CXCL13: variants seen among roughly 807,000 people sequenced by gnomAD.
CXCL13 encodes the protein C-X-C motif chemokine ligand 13, also known as C-X-C motif chemokine 13.
A neutral mutation model predicts 12.2 loss-of-function variants in CXCL13; 7 were observed. The ratio of observed to expected loss-of-function variants is 0.57; its 90% CI spans 0.33 to 1.07. CXCL13 has a LOEUF of 1.07. Among genes scored for constraint, CXCL13 ranks in the 50% least tolerant of loss-of-function variants. The pLI is 0.04. For synonymous variants in CXCL13, 47 were observed against 42.4 expected, an observed-to-expected ratio of 1.11 and a Z score of -0.42; for missense variants, 113 against 127.4, an observed-to-expected ratio of 0.89 and a Z score of 0.55.
intron 1 of CXCL13, among the ~76,000 whole-genome samples, chr4:77,581,547 C>T (rs1560532309): frequency 6.6e-6 from 1 of 152,130 alleles, no homozygotes; most frequent in South Asian, 2.1e-4. Flanking sequence ...CCAGGAACCA[C>T]CTCTTGCTAA....
chr4:77,519,383 G>A (rs184425938), intron 1 of CXCL13, among the ~76,000 whole-genome samples: 21 of 152,264 alleles, frequency 1.4e-4, no homozygotes, highest in East Asian at 3.9e-4. Flanking sequence ...GCTGTAGACC[G>A]GAGCTGTTCC....
At chr4:77,568,034 T>G (rs976019595) in intron 1 of CXCL13, among the ~76,000 whole-genome samples, 9 of 152,214 alleles carry the variant, frequency 5.9e-5, no homozygotes, top group Admixed American at 4.6e-4. Context: ...CCTTCCTTCA[T>G]GAAGCCAATA....
In CXCL13 at chr4:77,611,178, G is replaced by A. The variant is rs1727144076; in HGVS notation, c.*139G>A. 3.4e-5 allele frequency: 24 copies of A among 713,610 alleles called. No individual in the cohort carries two copies. The highest frequency in any genetic ancestry group is 4.9e-5 in the Non-Finnish European group (21 of 430,392). 44.2% of individuals were successfully genotyped at this position (713,610 alleles called of 1,614,324 possible). A position where few individuals can be genotyped will look rare whatever the true frequency, so the allele number is the denominator to read the frequency against. On this transcript the variant is annotated 3_prime_UTR_variant, in exon 4 of 4. Transcript: ENST00000682537. ...CATGAGACTATGTAAAAATAACCTT[G>A]CAGAAGCTGATGGGGCAAACTCAAG...
intron 1 of CXCL13, among the ~76,000 whole-genome samples, chr4:77,545,254 T>G (rs992404992): frequency 3.3e-5 from 5 of 152,210 alleles, no homozygotes; most frequent in Non-Finnish European, 5.9e-5. Flanking sequence ...CCATATGAAC[T>G]TTAAAGTAGT....
intron 1 of CXCL13, among the ~76,000 whole-genome samples, chr4:77,595,735 T>C (rs182931225): frequency 2.0e-5 from 3 of 152,178 alleles, no homozygotes; most frequent in Non-Finnish European, 2.9e-5. Context: ...AGCCTTCTTA[T>C]CAAAAGCATC....
chr4:77,546,021 A>G (rs1025746695), intron 1 of CXCL13, among the ~76,000 whole-genome samples: 2 of 151,990 alleles, frequency 1.3e-5, no homozygotes, highest in Non-Finnish European at 2.9e-5. Context: ...GGTTTTTGTC[A>G]TTGGTTCTGT....
intron 1 of CXCL13, among the ~76,000 whole-genome samples, chr4:77,557,336 C>T (rs978784869): frequency 6.6e-6 from 1 of 152,172 alleles, no homozygotes; most frequent in Non-Finnish European, 1.5e-5. Flanking sequence ...TCCCAGTGTA[C>T]ACTTGCAAGG....
intron 1 of CXCL13, among the ~76,000 whole-genome samples, chr4:77,583,342 T>C (rs1251688776): frequency 3.3e-5 from 5 of 152,152 alleles, no homozygotes; most frequent in Non-Finnish European, 7.3e-5. Flanking sequence ...ATGCCTTCCA[T>C]CCTTCATCTC....
intron 1 of CXCL13, among the ~76,000 whole-genome samples, chr4:77,522,887 C>G (rs1032870616): frequency 6.6e-6 from 1 of 152,098 alleles, no homozygotes; most frequent in African/African-American, 2.4e-5. Flanking sequence ...TTCAGGAACT[C>G]TTGTAAGGCA....
intron 1 of CXCL13, among the ~76,000 whole-genome samples, chr4:77,520,442 G>T (rs1724563127): frequency 6.6e-6 from 1 of 152,174 alleles, no homozygotes; most frequent in South Asian, 2.1e-4. Flanking sequence ...TCCCTTGTAA[G>T]TTGGATTCCT....
intron 1 of CXCL13, among the ~76,000 whole-genome samples, chr4:77,578,397 C>T (rs775540681): frequency 6.6e-6 from 1 of 152,188 alleles, no homozygotes; most frequent in East Asian, 1.9e-4. Context: ...TAAGATCAGC[C>T]TTCATTCTTA....
intron 1 of CXCL13, among the ~76,000 whole-genome samples, chr4:77,538,576 T>C (rs982319935): frequency 6.6e-6 from 1 of 152,280 alleles, no homozygotes. Flanking sequence ...AAAAAGATGA[T>C]AGGGGCTTTG....
At chr4:77,532,761 C>G (rs1560517446) in intron 1 of CXCL13, among the ~76,000 whole-genome samples, 1 of 152,038 alleles carries the variant, frequency 6.6e-6, no homozygotes, top group Non-Finnish European at 1.5e-5. Context: ...ATTCTTTTTT[C>G]TCTGAACTTC....
chr4:77,520,790 T>C (rs943850756), intron 1 of CXCL13, among the ~76,000 whole-genome samples: 7 of 152,234 alleles, frequency 4.6e-5, no homozygotes, highest in Non-Finnish European at 1.0e-4. Flanking sequence ...CTCTGTCTTG[T>C]GCCAGTTTTC....
At chr4:77,572,071 G>T (rs1223410525) in intron 1 of CXCL13, among the ~76,000 whole-genome samples, 1 of 151,924 alleles carries the variant, frequency 6.6e-6, no homozygotes, top group East Asian at 1.9e-4. Flanking sequence ...CACATTAAGA[G>T]CTGTAACACT....
chr4:77,527,499 G>A (rs1316654888), intron 1 of CXCL13, among the ~76,000 whole-genome samples: 3 of 152,106 alleles, frequency 2.0e-5, no homozygotes, highest in Admixed American at 6.5e-5. Flanking sequence ...ATGTGTGTTG[G>A]TTTGTGCCTG....
chr4:77,516,536 G>A (rs1318381178), intron 1 of CXCL13, among the ~76,000 whole-genome samples: 1 of 152,170 alleles, frequency 6.6e-6, no homozygotes, highest in Admixed American at 6.5e-5. Context: ...TTAGTCTTGG[G>A]AGAGTGTATG....
At position 77,559,750 on chromosome 4, in the gene CXCL13, G is replaced by T. The variant is rs559445182; in HGVS notation, c.-42-46074G>T. Among the ~76,000 whole-genome samples, 2 of 151,852 alleles carry T rather than the reference G, an allele frequency of 1.3e-5. 1 individual carries two copies. Among genetic ancestry groups the T allele is most frequent in the South Asian group, 4.2e-4 (2 of 4,806 alleles). ...ACCCTGGCTAACATTGTGAAACCCC[G>T]TCTCTACTAAAAATACAAAAAATTA... On this transcript the variant is annotated intron_variant, in intron 1 of 4. Transcript: ENST00000286758.
chr4:77,591,507 C>T (rs968275285), intron 1 of CXCL13, among the ~76,000 whole-genome samples: 10 of 145,558 alleles, frequency 6.9e-5, no homozygotes, highest in African/African-American at 1.8e-4. Context: ...GCCAAGATCA[C>T]GCCACTGCAC....
Sources: allele counts gnomAD v4.1 joint callset (sites outside exome capture counted in the v4.1 genomes callset), GRCh38; gene constraint gnomAD v4.1.1; transcripts MANE v1.5; gene names NCBI Gene and HGNC (gene_info 2026-07-23, HGNC 2026-07-21).